CELSR1: variants seen among roughly 807,000 people sequenced by gnomAD.
The protein encoded by CELSR1 is adhesion G protein-coupled receptor C1.
In CELSR1, 110 loss-of-function variants were observed where a neutral mutation model predicts 249.1. The observed-to-expected ratio is 0.44, with a 90% CI of 0.38 to 0.52. The LOEUF is 0.52. Among genes scored for constraint, CELSR1 ranks in the 20% least tolerant of loss-of-function variants. The pLI, the probability that CELSR1 is intolerant of heterozygous loss-of-function variation, is 0.00. For missense variants in CELSR1, 4,109 were observed against 4,296.4 expected (o/e 0.96, Z 1.22); for synonymous variants, 2,113 against 1,900.0 (o/e 1.11, Z -2.92).
At position 46,429,683 on chromosome 22, in the gene CELSR1, T is replaced by G. The variant is rs1171749338; in HGVS notation, c.4611+3710A>C. On this transcript the variant is annotated intron_variant, in intron 5 of 34. Coordinates refer to ENST00000674500, the MANE Select transcript of CELSR1 (RefSeq NM_001378328.1). The surrounding 1 kb of genome is among the most constrained non-coding windows in gnomAD (Gnocchi z 4.1). ...CATGGCTTCTGGTGGCTTTGGCCAG[T>G]GGGGAGCCAGACGGGAGGATAGAGT... is the stretch of plus-strand genomic sequence containing the variant. 2.6e-5 allele frequency among the ~76,000 whole-genome samples: 4 copies of G among 152,096 alleles called. No homozygotes were observed. The highest frequency in any genetic ancestry group is 5.9e-5 in the Non-Finnish European group (4 of 68,004).
chr22:46,404,196 G>A (rs2079239920), intron 9 of CELSR1, among the ~76,000 whole-genome samples: 1 of 151,958 alleles, frequency 6.6e-6, no homozygotes, highest in Non-Finnish European at 1.5e-5. Flanking sequence ...TGGGTCACCT[G>A]AGGTCAGGAG....
At chr22:46,370,141 G>A (rs760829894) in intron 25 of CELSR1, 1 of 473,834 alleles carries the variant, frequency 2.1e-6, no homozygotes, top group South Asian at 1.5e-5. Flanking sequence ...CGGTGCTTGG[G>A]AGGACCCTGC....
At chr22:46,438,826 T>C (rs963836672) in intron 3 of CELSR1, among the ~76,000 whole-genome samples, 4 of 152,206 alleles carry the variant, frequency 2.6e-5, no homozygotes, top group Non-Finnish European at 5.9e-5. Flanking sequence ...TGGCACAGTC[T>C]CAGCTCACTG....
intron 2 of CELSR1, among the ~76,000 whole-genome samples, chr22:46,456,646 G>C (rs1349881997): frequency 8.7e-6 from 1 of 115,406 alleles, no homozygotes; most frequent in Non-Finnish European, 1.7e-5. Context: ...CTGGGCGACA[G>C]AGCGAGACTC....
Position 46,412,421 on chromosome 22 carries a change from C to G in CELSR1, c.4612-662G>C, listed in dbSNP as rs2079348681. Among the ~76,000 whole-genome samples the G allele has an allele frequency of 6.6e-6, 1 of 152,204 alleles. No homozygotes were observed. The highest frequency in any genetic ancestry group is 2.4e-5 in the African/African-American group (1 of 41,448). On this transcript the variant is annotated intron_variant, in intron 5 of 34. Coordinates refer to ENST00000674500, the MANE Select transcript of CELSR1 (RefSeq NM_001378328.1). This position sits in a 1 kb window ranked among gnomAD's most constrained non-coding sequence, Gnocchi z 4.5. ...GGGGGTGTCCTCCTGACCACGGCAC[C>G]TGGCCAGGTTCGTGCTCCTGGAGTA...
intron 1 of CELSR1, among the ~76,000 whole-genome samples, chr22:46,470,801 A>G (rs1016268613): frequency 1.3e-5 from 2 of 152,158 alleles, no homozygotes; most frequent in Non-Finnish European, 2.9e-5. Context: ...CATTTCTGGC[A>G]GAGATAGATC....
At chr22:46,462,231 A>G (rs2080037698) in intron 2 of CELSR1, among the ~76,000 whole-genome samples, 1 of 152,214 alleles carries the variant, frequency 6.6e-6, no homozygotes, top group Non-Finnish European at 1.5e-5. Context: ...ACAGCCACAG[A>G]CTAGCAGGCG....
chr22:46,522,137 T>G (rs1429380344), intron 1 of CELSR1, among the ~76,000 whole-genome samples: 4 of 152,108 alleles, frequency 2.6e-5, no homozygotes, highest in Non-Finnish European at 5.9e-5. Context: ...CAAAAGCGTG[T>G]ATGTGTTAAA....
rs773925316 is a variant in CELSR1, at chr22:46,460,211, A to ACACACACACCCCCC, written c.4183+3495_4183+3496insGGGGGGTGTGTGTG. The stretch of plus-strand genomic sequence containing the variant: ...CACACACACACACACACACACACAC[A>ACACACACACCCCCC]CACACCCATTAGCTACAGTCCCTGC... On this transcript the variant is annotated intron_variant, in intron 2 of 34. Coordinates refer to ENST00000674500, the MANE Select transcript of CELSR1 (RefSeq NM_001378328.1). Among the ~76,000 whole-genome samples, 72 of 148,976 alleles carry ACACACACACCCCCC rather than the reference A, an allele frequency of 4.8e-4. 1 individual carries two copies. Among genetic ancestry groups the ACACACACACCCCCC allele is most frequent in the African/African-American group, 1.8e-3 (71 of 39,898 alleles).
intron 1 of CELSR1, among the ~76,000 whole-genome samples, chr22:46,476,595 C>CAA (rs35183117): frequency 9.3e-6 from 1 of 107,812 alleles, no homozygotes; most frequent in Non-Finnish European, 1.9e-5. Context: ...GACTCCGTCT[C>CAA]AAAAAAAAAA....
At position 46,407,316 on chromosome 22, in the gene CELSR1, C is replaced by A. The variant is rs563805593; in HGVS notation, c.5226+1680G>T. On this transcript the variant is annotated intron_variant, in intron 9 of 34. Transcript: ENST00000674500. The surrounding 1 kb of genome is among the most constrained non-coding windows in gnomAD (Gnocchi z 4.8). ...AGACTGACATGCACACACACTTGCA[C>A]GGAGATATGCGCACACACACACACA... Among the ~76,000 whole-genome samples, 1 of 152,026 alleles carries A rather than the reference C, an allele frequency of 6.6e-6. No individual in the cohort carries two copies. Among genetic ancestry groups the A allele is most frequent in the Non-Finnish European group, 1.5e-5 (1 of 68,040 alleles).
chr22:46,432,782 CA>C (rs1194591956), intron 5 of CELSR1, among the ~76,000 whole-genome samples: 2 of 151,978 alleles, frequency 1.3e-5, no homozygotes, highest in African/African-American at 4.8e-5. Context: ...AGACTCTGGC[CA>C]AGGTGGCTGC....
Position 46,395,978 on chromosome 22 carries a change from C to T in CELSR1, c.5843+627G>A, listed in dbSNP as rs763921459. 1.4e-4 allele frequency among the ~76,000 whole-genome samples: 21 copies of T among 152,198 alleles called. No homozygotes were observed. The highest frequency in any genetic ancestry group is 2.1e-4 in the Non-Finnish European group (14 of 68,026). Reference sequence around the variant, plus strand: ...CCAGCGACTCGACAGAGAAAGCATTCTCTGTAAACCACATGCGTCTCCCTG... The same window carrying T: ...CCAGCGACTCGACAGAGAAAGCATTTTCTGTAAACCACATGCGTCTCCCTG... On this transcript the variant is annotated intron_variant, in intron 13 of 34. Coordinates refer to ENST00000674500, the MANE Select transcript of CELSR1 (RefSeq NM_001378328.1). The surrounding 1 kb of genome is among the most constrained non-coding windows in gnomAD (Gnocchi z 5.5).
At chr22:46,452,005 C>A (rs2079891211) in intron 2 of CELSR1, among the ~76,000 whole-genome samples, 1 of 152,154 alleles carries the variant, frequency 6.6e-6, no homozygotes, top group Non-Finnish European at 1.5e-5. Context: ...AGCCACCAGG[C>A]GCCGGGGAGG....
Position 46,464,107 on chromosome 22 carries a change from G to A in CELSR1, c.3783C>T (p.Thr1261=). 1 of 1,613,884 alleles carries A rather than the reference G, an allele frequency of 6.2e-7. No homozygotes were observed. Among genetic ancestry groups the A allele is most frequent in the Non-Finnish European group, 8.5e-7 (1 of 1,180,046 alleles). ...TDVSSNILNV[T]FSALLPGGVR... is the part of the protein sequence containing the mutation. The stretch of plus-strand genomic sequence containing the variant: ...CGCCGCCAGGCAGCAGCGCCGAGAA[G>A]GTCACGTTCAGGATGTTGGAGCTGA... Residue 1261 remains threonine (T), a synonymous_variant, in exon 2 of 35, where the codon ACC becomes ACT. Transcript: ENST00000674500. This position sits in a 1 kb window ranked among gnomAD's most constrained non-coding sequence, Gnocchi z 8.5.
At chr22:46,392,683 A>G (rs1258604778) in intron 14 of CELSR1, among the ~76,000 whole-genome samples, 1 of 151,992 alleles carries the variant, frequency 6.6e-6, no homozygotes. Flanking sequence ...CAGCCTCCTG[A>G]GTAGCTGGGA....
intron 5 of CELSR1, among the ~76,000 whole-genome samples, chr22:46,418,071 G>A (rs963570768): frequency 2.0e-5 from 3 of 152,250 alleles, no homozygotes; most frequent in African/African-American, 7.2e-5. Context: ...CATGTGTGAA[G>A]TGCTTGCAGC....
rs370296415 is a variant in CELSR1, at chr22:46,534,602, C to G, written c.2569G>C (p.Ala857Pro). ...MMELDYENQV[A>P]YTLTIMAQDN... ...TGGGCCATGATGGTCAGCGTGTAGG[C>G]GACCTGGTTCTCATAGTCCAGCTCC... The change falls in exon 1 of 35, where the codon GCC (alanine) becomes CCC (proline). Residue 857 changes from alanine (A) to proline (P), a missense_variant. This residue lies in a region of CELSR1 where 886 missense variants were observed against 896.5 expected (regional missense o/e 0.99). Transcript: ENST00000674500. The surrounding 1 kb of genome is among the most constrained non-coding windows in gnomAD (Gnocchi z 9.7). 1.2e-6 allele frequency: 2 copies of G among 1,613,682 alleles called. No homozygotes were observed. The highest frequency in any genetic ancestry group is 1.3e-5 in the African/African-American group (1 of 74,892).
rs752538774 is a variant in CELSR1, at chr22:46,471,412, CAG to C, written c.3545-7069_3545-7068del. Among the ~76,000 whole-genome samples, 2 of 152,020 alleles carry C rather than the reference CAG, an allele frequency of 1.3e-5. No homozygotes were observed. The highest frequency in any genetic ancestry group is 6.6e-5 in the Admixed American group (1 of 15,248). ...TGGGGGTCTTTTGCTTGTTTTGAGACAGAGTCTCATTCTGTGGCCCAGGCTGG... is the reference window on the plus strand; with the variant it reads ...TGGGGGTCTTTTGCTTGTTTTGAGACAGTCTCATTCTGTGGCCCAGGCTGG... On this transcript the variant is annotated intron_variant, in intron 1 of 34. Coordinates refer to ENST00000674500, the MANE Select transcript of CELSR1 (RefSeq NM_001378328.1). This position sits in a 1 kb window ranked among gnomAD's most constrained non-coding sequence, Gnocchi z 4.9.
Sources: gnomAD v4.1 joint callset for allele counts (sites outside exome capture counted in the v4.1 genomes callset) on GRCh38, gnomAD v4.1.1 for gene constraint, gnomAD v4.1.1 regional missense constraint, Gnocchi (gnomAD v3.1) non-coding constraint, MANE v1.5 for transcripts, NCBI Gene and HGNC (gene_info 2026-07-23, HGNC 2026-07-21) for gene names.